Variants in USP39 observed in about 807,000 individuals in gnomAD.
The protein encoded by USP39 is ubiquitin carboxyl-terminal hydrolase 39.
In USP39, 38 loss-of-function variants were observed where a neutral mutation model predicts 66.4. The observed-to-expected ratio is 0.57, with a 90% CI of 0.44 to 0.75. The LOEUF (loss-of-function observed/expected upper bound fraction) is 0.75, where lower values mean the gene tolerates loss of function less well. Ranked by LOEUF, USP39 falls within the 30% of genes least tolerant of loss-of-function variation. The pLI, the probability that USP39 is intolerant of heterozygous loss-of-function variation, is 0.00. For synonymous variants in USP39, 303 were observed against 274.6 expected, an observed-to-expected ratio of 1.10 and a Z score of -1.02; for missense variants, 608 against 714.4, an observed-to-expected ratio of 0.85 and a Z score of 1.70.
intron 11 of USP39, among the ~76,000 whole-genome samples, chr2:85,647,098 A>T (rs1324085809): frequency 6.6e-6 from 1 of 152,092 alleles, no homozygotes; most frequent in South Asian, 2.1e-4. Context: ...TGTGTTGGCC[A>T]GGCTGGTCTC....
upstream of USP39, chr2:85,616,075 G>A: frequency 7.7e-7 from 1 of 1,303,488 alleles, no homozygotes; most frequent in Non-Finnish European, 9.8e-7. Flanking sequence ...AGCGTGATTT[G>A]TCCCCAGTGG....
rs190602079 is a variant in USP39 at position 85,647,061 on chromosome 2, G to T, written c.1564-869G>T. Among the ~76,000 whole-genome samples, 98 of 152,002 alleles carry T rather than the reference G, an allele frequency of 6.4e-4. 2 individuals carry two copies. Among genetic ancestry groups the T allele is most frequent in the South Asian group, 4.4e-3 (21 of 4,814 alleles). On this transcript the variant is annotated intron_variant, in intron 11 of 12. Coordinates refer to ENST00000323701, the MANE Select transcript of USP39 (RefSeq NM_006590.4). Reference sequence around the variant, plus strand: ...CTGCCACCAGGCCTGGCTAATTTTTGTATTTTTGGTAGAGACGGGGTTTTA... The same window carrying T: ...CTGCCACCAGGCCTGGCTAATTTTTTTATTTTTGGTAGAGACGGGGTTTTA...
Position 85,630,952 on chromosome 2 carries a change from A to C in USP39, c.949+6A>C. On this transcript the variant is annotated splice_donor_region_variant and intron_variant, in intron 6 of 12. Coordinates refer to ENST00000323701, the MANE Select transcript of USP39 (RefSeq NM_006590.4). Reference sequence around the variant, plus strand: ...TTTTCAGATCACCAAACAAGGTAAGAACAAGTCATTCATGTTTCAGGACAA... The same window carrying C: ...TTTTCAGATCACCAAACAAGGTAAGCACAAGTCATTCATGTTTCAGGACAA... The C allele has an allele frequency of 6.2e-7, 1 of 1,611,238 alleles. No individual in the cohort carries two copies. Among genetic ancestry groups the C allele is most frequent in the South Asian group, 1.1e-5 (1 of 90,564 alleles).
At chr2:85,647,696 C>T (rs1423388298) in intron 11 of USP39, among the ~76,000 whole-genome samples, 2 of 149,782 alleles carry the variant, frequency 1.3e-5, no homozygotes, top group African/African-American at 2.4e-5. Context: ...AAACAAAAAA[C>T]AGTGCTTTAA....
At chr2:85,604,016 C>T (rs1385462154) in intron 1 of USP39, among the ~76,000 whole-genome samples, 2 of 152,178 alleles carry the variant, frequency 1.3e-5, no homozygotes, top group African/African-American at 4.8e-5. Flanking sequence ...AGATCATCAC[C>T]TGAATGGTGC....
chr2:85,609,592 A>C (rs201733655), upstream of USP39: 1 of 1,614,082 alleles, frequency 6.2e-7, no homozygotes, highest in East Asian at 2.2e-5. Context: ...GACATCTGGA[A>C]GGATGAACCA....
At position 85,645,101 on chromosome 2, in the gene USP39, G is replaced by A. The variant is rs372216828; in HGVS notation, c.1563+18G>A. The A allele has an allele frequency of 6.8e-6, 11 of 1,613,736 alleles. No homozygotes were observed. Among genetic ancestry groups the A allele is most frequent in the South Asian group, 4.4e-5 (4 of 91,044 alleles). On this transcript the variant is annotated intron_variant, in intron 11 of 12. Coordinates refer to ENST00000323701, the MANE Select transcript of USP39 (RefSeq NM_006590.4). ...TTCATCATGTGAGTGGCTGCTGACCGTCTCATGGCACAGAGTGGCAAAAAC... is the reference window on the plus strand; with the variant it reads ...TTCATCATGTGAGTGGCTGCTGACCATCTCATGGCACAGAGTGGCAAAAAC...
At chr2:85,631,015 CA>C in intron 6 of USP39, 69 bp downstream of exon 6, 1 of 1,520,634 alleles carries the variant, frequency 6.6e-7, no homozygotes, top group Non-Finnish European at 9.0e-7. Context: ...TTCCACTTGG[CA>C]GTGAATTTTT....
chr2:85,616,796 G>C (rs950712490), intron 1 of USP39, among the ~76,000 whole-genome samples: 6 of 148,952 alleles, frequency 4.0e-5, no homozygotes, highest in Non-Finnish European at 7.4e-5. Context: ...TCCTACCTCC[G>C]CCTCCCAGGT....
Position 85,648,973 on chromosome 2 carries a change from GC to G in USP39, c.*169del. ...ACCAAGAGCCCACTTGCCTGGGATG[GC>G]CCCACACTGTCACTCAGCTGTTCTT... is the stretch of plus-strand genomic sequence containing the variant. On this transcript the variant is annotated 3_prime_UTR_variant, in exon 13 of 13. Transcript: ENST00000323701. 1.4e-6 allele frequency: 1 copy of G among 730,746 alleles called. No homozygotes were observed. Among genetic ancestry groups the G allele is most frequent in the Non-Finnish European group, 2.4e-6 (1 of 419,872 alleles). The allele number at this position is 730,746 out of a possible 1,614,324, so 45.3% of individuals were successfully genotyped here.
chr2:85,608,692 C>T (rs563016828), upstream of USP39: 1 of 209,128 alleles, frequency 4.8e-6, no homozygotes, highest in Non-Finnish European at 7.8e-6. Flanking sequence ...ATTAGCCACA[C>T]AAAATCCTCA....
Position 85,630,772 on chromosome 2 carries a change from T to A in USP39, c.775T>A (p.Tyr259Asn). ...LRNYFLEEDN[Y>N]KNIKRPPGDI... ...GAACTACTTTCTGGAAGAAGACAAT[T>A]ATAAGAACATCAAACGTCCTCCAGG... is the stretch of plus-strand genomic sequence containing the variant. The change falls in exon 6 of 13, where the codon TAT becomes AAT. Residue 259 changes from tyrosine (Y) to asparagine (N), a missense_variant. By Grantham distance (143) the Tyr-to-Asn change is moderately radical. Coordinates refer to ENST00000323701, the MANE Select transcript of USP39 (RefSeq NM_006590.4). 6.2e-7 allele frequency: 1 copy of A among 1,614,216 alleles called. No homozygotes were observed. Among genetic ancestry groups the A allele is most frequent in the East Asian group, 2.2e-5 (1 of 44,880 alleles).
chr2:85,621,447 G>A (rs1317455507), intron 2 of USP39, 38 bp from the exon 3 acceptor site: 1 of 1,588,728 alleles, frequency 6.3e-7, no homozygotes. Flanking sequence ...CTTCCTACAT[G>A]TCCATCCTAT....
chr2:85,626,056 T>C (rs143123263), intron 5 of USP39, among the ~76,000 whole-genome samples: 19 of 148,126 alleles, frequency 1.3e-4, no homozygotes, highest in African/African-American at 4.5e-4. Context: ...GTATGTGTAC[T>C]GGCCAAGAAA....
At chr2:85,621,415 C>A in intron 2 of USP39, 70 bp from the exon 3 acceptor site, 1 of 1,327,990 alleles carries the variant, frequency 7.5e-7, no homozygotes, top group Non-Finnish European at 1.1e-6. Context: ...GTCACAGAGC[C>A]AGCACTGCTT....
Position 85,644,614 on chromosome 2 carries a change from G to T in USP39, c.1428-334G>T, listed in dbSNP as rs558835655. On this transcript the variant is annotated intron_variant, in intron 10 of 12. Transcript: ENST00000323701. ...GCCTGGCTAATTTTTTTTTTGTAGG[G>T]GTCTCACTACATTGCCCAGGCTGGC... is the stretch of plus-strand genomic sequence containing the variant. Among the ~76,000 whole-genome samples the T allele has an allele frequency of 6.6e-5, 10 of 151,704 alleles. No homozygotes were observed. The East Asian group carries it at 1.7e-3, about 26-fold the overall frequency.
At chr2:85,638,833 G>A (rs1573440163) in intron 8 of USP39, among the ~76,000 whole-genome samples, 1 of 149,146 alleles carries the variant, frequency 6.7e-6, no homozygotes, top group East Asian at 2.0e-4. Flanking sequence ...CATCATGCCC[G>A]GCCAATTTTT....
chr2:85,608,255 C>G (rs995061398), upstream of USP39: 2 of 152,068 alleles, frequency 1.3e-5, no homozygotes, highest in African/African-American at 4.8e-5. Flanking sequence ...ATGCGAGAAA[C>G]GAAAAAGCCA....
chr2:85,604,511 G>A (rs150787249), intron 1 of USP39, among the ~76,000 whole-genome samples: 2,097 of 152,252 alleles, frequency 0.014, 28 homozygotes, highest in Non-Finnish European at 0.018. Flanking sequence ...CGTGCCCAGC[G>A]GGAGAGCCCT....
Sources: gnomAD v4.1 joint callset for allele counts (sites outside exome capture counted in the v4.1 genomes callset) on GRCh38, gnomAD v4.1.1 for gene constraint, MANE v1.5 for transcripts, NCBI Gene and HGNC (gene_info 2026-07-23, HGNC 2026-07-21) for gene names.